Variants in KIF3A observed in about 807,000 individuals in gnomAD.
The protein encoded by KIF3A is kinesin-like protein KIF3A.
KIF3A carries 27 observed loss-of-function variants against 92.6 expected under a neutral mutation model. That is an observed-to-expected ratio of 0.29 (90% CI 0.21 to 0.40). The LOEUF (loss-of-function observed/expected upper bound fraction) is 0.40, where lower values mean the gene tolerates loss of function less well. Ranked by LOEUF, KIF3A falls within the 10% of genes least tolerant of loss-of-function variation. KIF3A has a pLI of 1.00. For synonymous variants in KIF3A, 250 were observed against 275.4 expected (o/e 0.91, Z 0.92); for missense variants, 581 against 872.6 (o/e 0.67, Z 4.21).
intron 2 of KIF3A, among the ~76,000 whole-genome samples, chr5:132,733,837 A>C (rs1340791093): frequency 1.3e-5 from 2 of 152,280 alleles, no homozygotes; most frequent in African/African-American, 4.8e-5. Context: ...CAATATTGTC[A>C]GAATGACAAT....
intron 2 of KIF3A, among the ~76,000 whole-genome samples, chr5:132,728,637 T>G (rs1033909206): frequency 5.3e-5 from 8 of 151,690 alleles, no homozygotes; most frequent in Admixed American, 3.9e-4. Context: ...CTCGGGAAGG[T>G]GAAGCACAAG....
chr5:132,691,893 ACT>A (rs1752673913), downstream of KIF3A, among the ~76,000 whole-genome samples: 1 of 151,672 alleles, frequency 6.6e-6, no homozygotes. Flanking sequence ...CAAGAGCAAA[ACT>A]CTGTCTCAAA....
chr5:132,724,382 T>G (rs1581093567), intron 4 of KIF3A, among the ~76,000 whole-genome samples: 1 of 152,128 alleles, frequency 6.6e-6, no homozygotes, highest in African/African-American at 2.4e-5. Flanking sequence ...AGCAAAGACT[T>G]GGAACCAACC....
chr5:132,726,493 T>C lies in KIF3A; in HGVS notation c.286A>G (p.Ile96Val), dbSNP rs761118918. ...GTTCCGGTTTGTCCATATGCAAAAA[T>C]AGTCCCTGAAAATGATGAAGAGAAT... is the stretch of plus-strand genomic sequence containing the variant. ...DSVLEGYNGTIFAYGQTGTGK... is the reference protein window; with the variant it reads ...DSVLEGYNGTVFAYGQTGTGK... The change falls in exon 3 of 19, where the codon ATT (isoleucine) becomes GTT (valine). Residue 96 changes from isoleucine to valine, a missense_variant. Coordinates refer to ENST00000403231, the MANE Select transcript of KIF3A (RefSeq NM_001300791.2). 18 of 1,612,922 alleles carry C rather than the reference T, an allele frequency of 1.1e-5. No individual in the cohort carries two copies. The highest frequency in any genetic ancestry group is 2.2e-5 in the South Asian group (2 of 90,980).
intron 3 of KIF3A, 27 bp from the exon 4 acceptor site, chr5:132,726,239 A>T: frequency 6.3e-7 from 1 of 1,587,650 alleles, no homozygotes; most frequent in Non-Finnish European, 8.6e-7. Context: ...TTAAAAAGTC[A>T]AAGAGTGAAA....
chr5:132,709,297 G>A (rs896546836), intron 9 of KIF3A, among the ~76,000 whole-genome samples: 2 of 152,088 alleles, frequency 1.3e-5, no homozygotes, highest in African/African-American at 4.8e-5. Flanking sequence ...GAAGTCATTT[G>A]GTGAGATTTT....
intron 9 of KIF3A, 92 bp from the exon 10 acceptor site, chr5:132,709,070 A>C: frequency 9.7e-7 from 1 of 1,034,978 alleles, no homozygotes; most frequent in South Asian, 1.5e-5. Context: ...GTTTTCAGAG[A>C]AAAAAATTTT....
chr5:132,716,596 G>C (rs1220590372), intron 6 of KIF3A, among the ~76,000 whole-genome samples, 154 bp from the exon 7 acceptor site: 1 of 152,168 alleles, frequency 6.6e-6, no homozygotes, highest in Non-Finnish European at 1.5e-5. Flanking sequence ...AAGTGGGGGA[G>C]AGTACATGAA....
chr5:132,692,617 C>G (rs532544542), downstream of KIF3A: 1 of 152,500 alleles, frequency 6.6e-6, no homozygotes, highest in East Asian at 1.9e-4. Flanking sequence ...AGCAGCAGAC[C>G]ACTACTACAG....
Position 132,700,535 on chromosome 5 carries a change from C to T in KIF3A, c.1938+112G>A, listed in dbSNP as rs550658250. 137 of 738,356 alleles carry T rather than the reference C, an allele frequency of 1.9e-4. 1 individual carries two copies. The South Asian group carries it at 2.1e-3, about 11-fold the overall frequency. 45.7% of individuals were successfully genotyped at this position (738,356 alleles called of 1,614,324 possible). On this transcript the variant is annotated intron_variant, in intron 16 of 18. Coordinates refer to ENST00000403231, the MANE Select transcript of KIF3A (RefSeq NM_001300791.2). ...AATATTTTATCTGCCCTACTGGATT[C>T]TCATCTGATTCATCTACTGGACCAT...
intron 2 of KIF3A, among the ~76,000 whole-genome samples, chr5:132,733,986 CAGAA>C (rs940320805): frequency 6.6e-6 from 1 of 152,124 alleles, no homozygotes; most frequent in African/African-American, 2.4e-5. Flanking sequence ...ATTATAGTGA[CAGAA>C]AGCAGATCAA....
chr5:132,695,691 A>G lies in KIF3A; in HGVS notation c.*943T>C, dbSNP rs1752811266. 6.6e-6 allele frequency: 1 copy of G among 152,330 alleles called. No homozygotes were observed. Among genetic ancestry groups the G allele is most frequent in the Admixed American group, 6.5e-5 (1 of 15,290 alleles). The allele number at this position is 152,330 out of a possible 1,614,324, so 9.4% of individuals were successfully genotyped here. On this transcript the variant is annotated 3_prime_UTR_variant, in exon 19 of 19. Transcript: ENST00000403231. ...CAAAATAAAAAAGTGTTTTAAAGGCAAAGTATTTAAAAGATATTTTTCTTG... is the reference window on the plus strand; with the variant it reads ...CAAAATAAAAAAGTGTTTTAAAGGCGAAGTATTTAAAAGATATTTTTCTTG...
chr5:132,726,982 T>C (rs925199894), intron 2 of KIF3A, among the ~76,000 whole-genome samples: 3 of 152,190 alleles, frequency 2.0e-5, no homozygotes, highest in Non-Finnish European at 4.4e-5. Context: ...AAATTCGCCA[T>C]TGATAGTAAG....
At chr5:132,728,358 C>A (rs1322927814) in intron 2 of KIF3A, among the ~76,000 whole-genome samples, 1 of 152,088 alleles carries the variant, frequency 6.6e-6, no homozygotes, top group Non-Finnish European at 1.5e-5. Context: ...AGGTGCACCT[C>A]CCAGCTATGT....
intron 1 of KIF3A, among the ~76,000 whole-genome samples, chr5:132,736,324 A>G (rs751460122): frequency 2.6e-5 from 4 of 152,224 alleles, no homozygotes; most frequent in Admixed American, 6.5e-5. Context: ...TGGGAGGAAA[A>G]AAAATGACCT....
intron 2 of KIF3A, 46 bp downstream of exon 2, chr5:132,734,159 T>A: frequency 6.9e-7 from 1 of 1,439,362 alleles, no homozygotes; most frequent in Non-Finnish European, 9.6e-7. Context: ...GGCACAGTAA[T>A]TATGTCTCAA....
intron 9 of KIF3A, 125 bp downstream of exon 9, chr5:132,710,834 A>G: frequency 7.7e-7 from 1 of 1,302,570 alleles, no homozygotes; most frequent in East Asian, 2.4e-5. Flanking sequence ...GGTAAATGGC[A>G]TACATCTTCT....
intron 10 of KIF3A, 145 bp downstream of exon 10, chr5:132,708,762 G>C (rs1753313099): frequency 1.9e-6 from 1 of 526,668 alleles, no homozygotes; most frequent in Non-Finnish European, 3.4e-6. Flanking sequence ...GGGGGTGGAG[G>C]AATCATCACA....
chr5:132,698,295 G>A (rs1365342351), intron 18 of KIF3A, among the ~76,000 whole-genome samples: 1 of 151,972 alleles, frequency 6.6e-6, no homozygotes, highest in Non-Finnish European at 1.5e-5. Context: ...TAAATAAACT[G>A]AACAGTCCTT....
Sources: allele counts gnomAD v4.1 joint callset (sites outside exome capture counted in the v4.1 genomes callset), GRCh38; gene constraint gnomAD v4.1.1; transcripts MANE v1.5; gene names NCBI Gene and HGNC (gene_info 2026-07-23, HGNC 2026-07-21).